NTN1: variants seen among roughly 807,000 people sequenced by gnomAD.
NTN1 encodes the protein netrin 1, also known as netrin-1.
In NTN1, 11 loss-of-function variants were observed where a neutral mutation model predicts 54.2. That is an observed-to-expected ratio of 0.20 (90% CI 0.13 to 0.34). The LOEUF is 0.34. NTN1 is among the 10% of genes least tolerant of loss of function. The pLI, the probability that NTN1 is intolerant of heterozygous loss-of-function variation, is 1.00. For synonymous variants in NTN1, 371 were observed against 382.0 expected, an observed-to-expected ratio of 0.97 and a Z score of 0.33; for missense variants, 740 against 893.1, an observed-to-expected ratio of 0.83 and a Z score of 2.18.
intron 2 of NTN1, among the ~76,000 whole-genome samples, chr17:9,131,085 C>G (rs1323010464): frequency 6.6e-6 from 1 of 152,172 alleles, no homozygotes; most frequent in Non-Finnish European, 1.5e-5. Flanking sequence ...AACTCAGGGC[C>G]TTTGCACTGG....
intron 3 of NTN1, among the ~76,000 whole-genome samples, chr17:9,166,388 C>G (rs1027868569): frequency 1.5e-5 from 2 of 136,382 alleles, no homozygotes; most frequent in African/African-American, 5.6e-5. Context: ...GTTGTCCAGG[C>G]TGGAGTGCAG....
At chr17:9,230,422 T>A (rs1905765738) in intron 6 of NTN1, among the ~76,000 whole-genome samples, 1 of 142,686 alleles carries the variant, frequency 7.0e-6, no homozygotes, top group Non-Finnish European at 1.5e-5. Flanking sequence ...CCCTGGGGAA[T>A]CCTCTGATTT....
At chr17:9,043,831 C>T (rs1489175942) in intron 2 of NTN1, among the ~76,000 whole-genome samples, 1 of 152,036 alleles carries the variant, frequency 6.6e-6, no homozygotes, top group Non-Finnish European at 1.5e-5. Context: ...CCACCCGCCT[C>T]GGCTTCTGAA....
In NTN1 at chr17:9,022,448, G is replaced by T. The variant is rs759241691; in HGVS notation, c.75G>T (p.Gly25=). 1 of 1,463,594 alleles carries T rather than the reference G, an allele frequency of 6.8e-7. No homozygotes were observed. Among genetic ancestry groups the T allele is most frequent in the African/African-American group, 1.5e-5 (1 of 67,646 alleles). 90.7% of individuals were successfully genotyped at this position (1,463,594 alleles called of 1,614,324 possible). The stretch of plus-strand genomic sequence containing the variant: ...GCCTGGTGGGCGCGGTGCGCGGCGG[G>T]CCCGGGCTCAGCATGTTCGCGGGCC... ...VACLVGAVRG[G]PGLSMFAGQA... Residue 25 remains glycine (G), a synonymous_variant, in exon 2 of 7, where the codon GGG becomes GGT. Coordinates refer to ENST00000173229, the MANE Select transcript of NTN1 (RefSeq NM_004822.3).
At chr17:9,085,405 A>T (rs963927606) in intron 2 of NTN1, among the ~76,000 whole-genome samples, 8 of 152,184 alleles carry the variant, frequency 5.3e-5, no homozygotes, top group African/African-American at 1.9e-4. Flanking sequence ...TACGCGTGTC[A>T]TTTCCACTCA....
chr17:9,163,393 G>A (rs552860892), intron 3 of NTN1, among the ~76,000 whole-genome samples: 15 of 150,386 alleles, frequency 1.0e-4, no homozygotes, highest in Admixed American at 3.3e-4. Flanking sequence ...CAGGCTTACC[G>A]TTGGGACAAA....
intron 5 of NTN1, among the ~76,000 whole-genome samples, chr17:9,190,967 G>T (rs1340562485): frequency 6.6e-6 from 1 of 152,070 alleles, no homozygotes; most frequent in East Asian, 1.9e-4. Flanking sequence ...AATGGTCCTG[G>T]GAAAACCGGC....
At chr17:9,024,204 CG>C (rs2091862813) in intron 2 of NTN1, among the ~76,000 whole-genome samples, 2 of 152,100 alleles carry the variant, frequency 1.3e-5, no homozygotes. Flanking sequence ...CGGGTGAATA[CG>C]GCTGGGTCAG....
At chr17:9,036,877 A>T (rs2091905213) in intron 2 of NTN1, among the ~76,000 whole-genome samples, 1 of 152,122 alleles carries the variant, frequency 6.6e-6, no homozygotes, top group African/African-American at 2.4e-5. Flanking sequence ...TCAGGCTCTA[A>T]CTGGAGGACC....
intron 2 of NTN1, among the ~76,000 whole-genome samples, chr17:9,152,055 C>T (rs997706455): frequency 6.6e-6 from 1 of 152,156 alleles, no homozygotes; most frequent in Non-Finnish European, 1.5e-5. Flanking sequence ...GCTGGCCCCC[C>T]GCGGGCCATG....
chr17:9,110,931 C>CTTTT (rs34319949), intron 2 of NTN1, among the ~76,000 whole-genome samples: 117 of 104,336 alleles, frequency 1.1e-3, no homozygotes, highest in African/African-American at 3.4e-3. Flanking sequence ...AATTCAGGAT[C>CTTTT]TTTTTTTTTT....
rs190005495 is a variant in NTN1, at chr17:9,193,010, G to T, written c.1411+10041G>T. 2.0e-3 allele frequency among the ~76,000 whole-genome samples: 307 copies of T among 151,434 alleles called. 3 individuals are homozygous for T. Among genetic ancestry groups the T allele is most frequent in the African/African-American group, 7.2e-3 (297 of 41,186 alleles). On this transcript the variant is annotated intron_variant, in intron 5 of 6. Coordinates refer to ENST00000173229, the MANE Select transcript of NTN1 (RefSeq NM_004822.3). Reference sequence around the variant, plus strand: ...CAGGAGAATCACTTGAACCCTGGAGGCGGAGGTTGCAGTGAGCCAGGATCA... The same window carrying T: ...CAGGAGAATCACTTGAACCCTGGAGTCGGAGGTTGCAGTGAGCCAGGATCA...
At chr17:9,234,374 G>T (rs1319233280) in intron 6 of NTN1, among the ~76,000 whole-genome samples, 3 of 152,236 alleles carry the variant, frequency 2.0e-5, no homozygotes, top group African/African-American at 2.4e-5. Context: ...GCACAGACGA[G>T]GGGTGGCCCA....
chr17:9,050,886 G>A (rs1418471851), intron 2 of NTN1, among the ~76,000 whole-genome samples: 1 of 152,120 alleles, frequency 6.6e-6, no homozygotes, highest in Non-Finnish European at 1.5e-5. Context: ...CCTCCCCTGT[G>A]GTTCAAGCAC....
intron 2 of NTN1, among the ~76,000 whole-genome samples, chr17:9,094,301 A>G (rs8075572): frequency 4.6e-4 from 70 of 152,060 alleles, no homozygotes; most frequent in African/African-American, 1.2e-3. Flanking sequence ...GTTTTTTTCT[A>G]TTACTCATAG....
chr17:9,043,908 T>C (rs1478765503), intron 2 of NTN1, among the ~76,000 whole-genome samples: 1 of 152,018 alleles, frequency 6.6e-6, no homozygotes, highest in African/African-American at 2.4e-5. Context: ...AATTTTTTTA[T>C]CTTTATTAAT....
At chr17:9,216,795 C>T (rs1417717369) in intron 5 of NTN1, among the ~76,000 whole-genome samples, 1 of 152,226 alleles carries the variant, frequency 6.6e-6, no homozygotes. Context: ...GTAATCCCAG[C>T]ACTTTGGGAG....
intron 5 of NTN1, among the ~76,000 whole-genome samples, chr17:9,220,257 A>C (rs1905301274): frequency 6.6e-6 from 1 of 152,150 alleles, no homozygotes; most frequent in Non-Finnish European, 1.5e-5. Context: ...CCTACCCATC[A>C]AAGAAGGGTT....
chr17:9,085,305 T>C (rs1218839186), intron 2 of NTN1, among the ~76,000 whole-genome samples: 2 of 152,196 alleles, frequency 1.3e-5, no homozygotes, highest in East Asian at 3.9e-4. Flanking sequence ...AAGCTGGTCC[T>C]CCAGCACCCT....
Sources: gnomAD v4.1 joint callset for allele counts (sites outside exome capture counted in the v4.1 genomes callset) on GRCh38, gnomAD v4.1.1 for gene constraint, MANE v1.5 for transcripts, NCBI Gene and HGNC (gene_info 2026-07-23, HGNC 2026-07-21) for gene names.